Variants in CORO1C observed in about 807,000 individuals in gnomAD.
CORO1C encodes the protein coronin-1C.
A neutral mutation model predicts 51.2 loss-of-function variants in CORO1C; 14 were observed. That is an observed-to-expected ratio of 0.27 (90% CI 0.18 to 0.43). CORO1C has a LOEUF of 0.43. Ranked by LOEUF, CORO1C falls within the 20% of genes least tolerant of loss-of-function variation. The pLI is 1.00. For synonymous variants in CORO1C, 181 were observed against 210.5 expected (o/e 0.86, Z 1.21); for missense variants, 417 against 607.8 (o/e 0.69, Z 3.30).
chr12:108,683,573 G>T (rs749338921), intron 2 of CORO1C, among the ~76,000 whole-genome samples: 1 of 152,122 alleles, frequency 6.6e-6, no homozygotes, highest in Non-Finnish European at 1.5e-5. Context: ...GAAATTTACA[G>T]AGTATGAAAA....
At chr12:108,659,852 T>G (rs75623388) in intron 4 of CORO1C, among the ~76,000 whole-genome samples, 2,854 of 152,290 alleles carry the variant, frequency 0.019, 80 homozygotes, top group African/African-American at 0.065. Context: ...CTGATCATGG[T>G]GAGAAGCCCA....
At chr12:108,649,945 C>T (rs1026238986) in intron 8 of CORO1C, among the ~76,000 whole-genome samples, 2 of 152,150 alleles carry the variant, frequency 1.3e-5, no homozygotes, top group Non-Finnish European at 2.9e-5. Flanking sequence ...ATCAAATATG[C>T]AAAACCATTT....
chr12:108,685,200 C>T (rs2034255101), intron 2 of CORO1C, among the ~76,000 whole-genome samples: 1 of 152,132 alleles, frequency 6.6e-6, no homozygotes, highest in Non-Finnish European at 1.5e-5. Context: ...AAGTTAATAG[C>T]TATTCACCAG....
intron 1 of CORO1C, among the ~76,000 whole-genome samples, chr12:108,713,768 T>G (rs2035250846): frequency 6.6e-6 from 1 of 152,218 alleles, no homozygotes; most frequent in African/African-American, 2.4e-5. Flanking sequence ...GTCATACTTT[T>G]CCAACAATCA....
intron 1 of CORO1C, among the ~76,000 whole-genome samples, chr12:108,725,462 A>G (rs962383486): frequency 2.0e-5 from 3 of 152,194 alleles, no homozygotes; most frequent in African/African-American, 2.4e-5. Context: ...AGCCTTTTGC[A>G]TCTCCACACT....
At chr12:108,711,266 G>A (rs1049201419) in intron 1 of CORO1C, among the ~76,000 whole-genome samples, 2 of 152,026 alleles carry the variant, frequency 1.3e-5, no homozygotes, top group African/African-American at 2.4e-5. Flanking sequence ...GCTACTCGGG[G>A]AGCTGAGGTG....
At chr12:108,648,496 C>T in intron 10 of CORO1C, 109 bp downstream of exon 10, 15 of 1,459,482 alleles carry the variant, frequency 1.0e-5, no homozygotes, top group African/African-American at 1.4e-5. Flanking sequence ...TACTGAAAAC[C>T]CCTGAGCACC....
chr12:108,690,018 T>C (rs2034441489), intron 2 of CORO1C, among the ~76,000 whole-genome samples: 1 of 152,206 alleles, frequency 6.6e-6, no homozygotes, highest in African/African-American at 2.4e-5. Context: ...CTTTTTCTTA[T>C]GACAGTATTA....
intron 2 of CORO1C, among the ~76,000 whole-genome samples, chr12:108,684,087 C>G (rs1057418989): frequency 7.9e-5 from 12 of 152,096 alleles, no homozygotes; most frequent in Admixed American, 2.6e-4. Flanking sequence ...AGGTATGCAA[C>G]ATACATACCT....
At chr12:108,679,549 G>A (rs1049242514) in intron 2 of CORO1C, among the ~76,000 whole-genome samples, 1 of 152,222 alleles carries the variant, frequency 6.6e-6, no homozygotes, top group African/African-American at 2.4e-5. Flanking sequence ...AAGAGCAGGT[G>A]CACAGAAAGG....
Position 108,657,287 on chromosome 12 carries a change from G to T in CORO1C, c.750+17C>A. 8 of 1,611,830 alleles carry T rather than the reference G, an allele frequency of 5.0e-6. No homozygotes were observed. Among genetic ancestry groups the T allele is most frequent in the Non-Finnish European group, 6.8e-6 (8 of 1,178,624 alleles). ...AAGCTCAAGTGAAAGCAAGTGGAAA[G>T]CCTGGGGAGGGCGTACCGGATTCCA... On this transcript the variant is annotated intron_variant, in intron 6 of 10. Transcript: ENST00000261401.
chr12:108,694,107 C>T (rs1347993143), intron 2 of CORO1C, among the ~76,000 whole-genome samples: 4 of 151,908 alleles, frequency 2.6e-5, no homozygotes, highest in African/African-American at 9.7e-5. Context: ...CACAGTGAAA[C>T]TCTGTCTCTA....
chr12:108,710,267 G>T (rs1381300353), intron 1 of CORO1C, among the ~76,000 whole-genome samples: 1 of 152,166 alleles, frequency 6.6e-6, no homozygotes, highest in African/African-American at 2.4e-5. Context: ...ATGGACAGTT[G>T]TCTCCCTCAC....
chr12:108,725,864 G>A (rs1327758670), intron 1 of CORO1C, among the ~76,000 whole-genome samples: 2 of 152,078 alleles, frequency 1.3e-5, no homozygotes, highest in Non-Finnish European at 2.9e-5. Context: ...AGGCTGGAGT[G>A]CAACTCTGTC....
At position 108,652,310 on chromosome 12, in the gene CORO1C, G is replaced by C. The variant is rs757142016; in HGVS notation, c.963C>G (p.Pro321=). Residue 321 remains proline, a synonymous_variant, in exon 8 of 11, where the codon CCC becomes CCG. Coordinates refer to ENST00000261401, the MANE Select transcript of CORO1C (RefSeq NM_014325.4). ...ATTTGTTAACATCAAGTCCCCTCTT[G>C]GGCATGTAACCCATCCCTCTCTGAG... ...KEPQRGMGYM[P]KRGLDVNKCE... The C allele has an allele frequency of 2.5e-6, 4 of 1,613,898 alleles. No individual in the cohort carries two copies. In the South Asian group the frequency reaches 4.4e-5, roughly 18 times the overall value.
chr12:108,723,539 T>C (rs1001577684), intron 1 of CORO1C, among the ~76,000 whole-genome samples: 3 of 152,218 alleles, frequency 2.0e-5, no homozygotes, highest in Non-Finnish European at 4.4e-5. Flanking sequence ...TGGTCTCTCA[T>C]GAAAAATCTA....
intron 1 of CORO1C, among the ~76,000 whole-genome samples, chr12:108,722,817 ATATGT>A (rs1419227667): frequency 2.0e-5 from 3 of 152,136 alleles, no homozygotes; most frequent in African/African-American, 7.2e-5. Context: ...TGAAGGTATG[ATATGT>A]TATTTGTTCT....
At chr12:108,694,179 G>C (rs1158059506) in intron 2 of CORO1C, among the ~76,000 whole-genome samples, 4 of 151,522 alleles carry the variant, frequency 2.6e-5, no homozygotes, top group Middle Eastern at 3.2e-3. Context: ...CTACTCACGA[G>C]GCTGAGGCAG....
At chr12:108,669,668 T>A (rs1300977274) in intron 3 of CORO1C, among the ~76,000 whole-genome samples, 51 of 101,692 alleles carry the variant, frequency 5.0e-4, no homozygotes, top group African/African-American at 1.8e-3. Flanking sequence ...ACAGAGCTTT[T>A]CCGTTAAAAA....
Sources: allele counts gnomAD v4.1 joint callset (sites outside exome capture counted in the v4.1 genomes callset), GRCh38; gene constraint gnomAD v4.1.1; transcripts MANE v1.5; gene names NCBI Gene and HGNC (gene_info 2026-07-23, HGNC 2026-07-21).